Variants in SPEN observed in about 807,000 individuals in gnomAD.
SPEN encodes the protein msx2-interacting protein.
In SPEN, 18 loss-of-function variants were observed where a neutral mutation model predicts 269.9. The ratio of observed to expected loss-of-function variants is 0.07; its 90% CI spans 0.05 to 0.10. The LOEUF is 0.10. Among genes scored for constraint, SPEN ranks in the 10% least tolerant of loss-of-function variants. The pLI, the probability that SPEN is intolerant of heterozygous loss-of-function variation, is 1.00. For missense variants in SPEN, 3,822 were observed against 4,631.2 expected, an observed-to-expected ratio of 0.83 and a Z score of 5.07; for synonymous variants, 1,726 against 1,765.7, an observed-to-expected ratio of 0.98 and a Z score of 0.56.
In SPEN at chr1:15,876,608, G is replaced by C; in HGVS notation, c.811G>C (p.Gly271Arg). ...ATCTAGACCCACAAGGTCCCCTAGC[G>C]GCAGCGGCTCTAGAAGTAGATCCTC... ...QASRPTRSPSGSGSRSRSSSS... is the reference protein window; with the variant it reads ...QASRPTRSPSRSGSRSRSSSS... The change falls in exon 3 of 15, where the codon GGC becomes CGC. Residue 271 changes from glycine to arginine, a missense_variant. Around this residue, in one of 16 missense-constraint regions of SPEN, gnomAD observed 327 missense variants for 350.8 expected, o/e 0.93. Transcript: ENST00000375759. The C allele has an allele frequency of 6.2e-7, 1 of 1,613,976 alleles. No individual in the cohort carries two copies.
intron 3 of SPEN, among the ~76,000 whole-genome samples, chr1:15,877,754 T>G (rs1388462368): frequency 6.9e-6 from 1 of 144,690 alleles, no homozygotes. Context: ...TTTTTTTTTT[T>G]TTTTTTTGAG....
Position 15,934,571 on chromosome 1 carries a change from G to A in SPEN, c.8331G>A (p.Ala2777=), listed in dbSNP as rs760916198. The A allele has an allele frequency of 4.3e-6, 7 of 1,613,982 alleles. No homozygotes were observed. The South Asian group carries it at 5.5e-5, about 13-fold the overall frequency. Residue 2777 remains alanine, a synonymous_variant, in exon 11 of 15, where the codon GCG becomes GCA. Coordinates refer to ENST00000375759, the MANE Select transcript of SPEN (RefSeq NM_015001.3). The surrounding 1 kb of genome is among the most constrained non-coding windows in gnomAD (Gnocchi z 9.2). ...IAPSTKCKQR[A]SANENSRFHP... Reference sequence around the variant, plus strand: ...CGTCAACAAAGTGCAAACAGAGAGCGAGTGCTAATGAAAACAGTCGGTTCC... The same window carrying A: ...CGTCAACAAAGTGCAAACAGAGAGCAAGTGCTAATGAAAACAGTCGGTTCC...
intron 3 of SPEN, among the ~76,000 whole-genome samples, chr1:15,900,354 A>G (rs910159100): frequency 3.3e-5 from 5 of 152,212 alleles, no homozygotes; most frequent in Non-Finnish European, 5.9e-5. Context: ...CCATTTCAAT[A>G]TGAATGGAAT....
intron 3 of SPEN, among the ~76,000 whole-genome samples, chr1:15,889,823 T>A (rs1395330401): frequency 6.6e-6 from 1 of 152,002 alleles, no homozygotes; most frequent in Non-Finnish European, 1.5e-5. Context: ...AAGTGATTCT[T>A]CTGCCTCAGT....
At chr1:15,862,020 T>C (rs2070453727) in intron 1 of SPEN, among the ~76,000 whole-genome samples, 1 of 152,156 alleles carries the variant, frequency 6.6e-6, no homozygotes, top group African/African-American at 2.4e-5. Context: ...CCAGCCTGGG[T>C]GACAGAGTGA....
chr1:15,873,714 T>A, intron 2 of SPEN: 1 of 973,816 alleles, frequency 1.0e-6, no homozygotes, highest in Non-Finnish European at 1.2e-6. Flanking sequence ...AATGCCTGAT[T>A]TTTCCATTTT....
intron 6 of SPEN, 152 bp downstream of exon 6, chr1:15,916,431 T>A (rs1050208478): frequency 1.3e-6 from 1 of 756,638 alleles, no homozygotes; most frequent in South Asian, 2.4e-5. Context: ...ATCCAGAGAA[T>A]CCCATTGGGT....
rs748416581 is a variant in SPEN at position 15,934,764 on chromosome 1, G to A, written c.8524G>A (p.Ala2842Thr). 2 of 1,614,170 alleles carry A rather than the reference G, an allele frequency of 1.2e-6. No individual in the cohort carries two copies. Among genetic ancestry groups the A allele is most frequent in the Non-Finnish European group, 8.5e-7 (1 of 1,180,024 alleles). ...GATCAGCCAGATCCCCCCGGCCAGT[G>A]CAATGGACATTGAATTTCAGCAGTC... ...AKISQIPPAS[A>T]MDIEFQQSVS... The change falls in exon 11 of 15, where the codon GCA becomes ACA. Residue 2842 changes from alanine to threonine, a missense_variant. By Grantham distance (58) the Ala-to-Thr change is moderately conservative. Transcript: ENST00000375759. The surrounding 1 kb of genome is among the most constrained non-coding windows in gnomAD (Gnocchi z 9.2).
chr1:15,903,184 A>G (rs771374054), intron 3 of SPEN, among the ~76,000 whole-genome samples: 1 of 152,170 alleles, frequency 6.6e-6, no homozygotes, highest in Non-Finnish European at 1.5e-5. Flanking sequence ...GGATTAGTTG[A>G]TGGCATGATA....
In SPEN at chr1:15,931,309, C is replaced by A. The variant is rs1394638881; in HGVS notation, c.5069C>A (p.Ala1690Asp). 1 of 1,614,054 alleles carries A rather than the reference C, an allele frequency of 6.2e-7. No homozygotes were observed. Among genetic ancestry groups the A allele is most frequent in the East Asian group, 2.2e-5 (1 of 44,890 alleles). Reference sequence around the variant, plus strand: ...GAAGCAAAGCCTGCATCTGAACCTGCTCCTGCCCCTGTGGAACAGCTGGAA... The same window carrying A: ...GAAGCAAAGCCTGCATCTGAACCTGATCCTGCCCCTGTGGAACAGCTGGAA... ...SEEAKPASEP[A>D]PAPVEQLEQV... The change falls in exon 11 of 15, where the codon GCT (alanine) becomes GAT (aspartate). Residue 1690 changes from alanine to aspartate, a missense_variant. By Grantham distance (126) the Ala-to-Asp change is moderately radical (BLOSUM62 -2). Around this residue, in one of 16 missense-constraint regions of SPEN, gnomAD observed 533 missense variants for 618.8 expected, o/e 0.86. Transcript: ENST00000375759. This position sits in a 1 kb window ranked among gnomAD's most constrained non-coding sequence, Gnocchi z 4.8.
At chr1:15,919,290 C>T (rs578215907) in intron 7 of SPEN, 114 bp from the exon 8 acceptor site, 1 of 751,116 alleles carries the variant, frequency 1.3e-6, no homozygotes, top group Middle Eastern at 3.1e-4. Flanking sequence ...ATGTTTCCCA[C>T]TTGAGATGTT....
chr1:15,908,414 C>T (rs1180261250), intron 3 of SPEN, among the ~76,000 whole-genome samples: 2 of 151,080 alleles, frequency 1.3e-5, no homozygotes, highest in Non-Finnish European at 2.9e-5. Context: ...TAAACTTTTG[C>T]GTTTCTTTAA....
intron 3 of SPEN, among the ~76,000 whole-genome samples, chr1:15,896,815 A>C (rs1028705723): frequency 1.3e-5 from 2 of 152,196 alleles, no homozygotes; most frequent in African/African-American, 4.8e-5. Context: ...AGTAATTTTA[A>C]GTGTTAGCCT....
At chr1:15,850,226 C>A (rs534022070) in intron 1 of SPEN, among the ~76,000 whole-genome samples, 1 of 152,104 alleles carries the variant, frequency 6.6e-6, no homozygotes, top group East Asian at 1.9e-4. Context: ...CCTTGGAAAG[C>A]GGCAGTCTGG....
chr1:15,889,083 A>G, intron 3 of SPEN, among the ~76,000 whole-genome samples: 1 of 151,962 alleles, frequency 6.6e-6, no homozygotes, highest in Non-Finnish European at 1.5e-5. Context: ...ACAAGGAATC[A>G]TGCGTGTCCA....
At chr1:15,911,361 G>A in intron 5 of SPEN, 60 bp downstream of exon 5, 1 of 1,372,048 alleles carries the variant, frequency 7.3e-7, no homozygotes, top group Non-Finnish European at 1.0e-6. Context: ...GTGTTGCAGT[G>A]TATGAGAGGG....
Position 15,937,268 on chromosome 1 carries a change from G to A in SPEN, c.10132G>A (p.Gly3378Ser), listed in dbSNP as rs375688033. ...PCPPSQLGQP[G>S]QPPSSKMPQV... ...CCCGCCCTCCCAGCTCGGTCAGCCCGGCCAGCCACCAAGCAGCAAGATGCC... is the reference window on the plus strand; with the variant it reads ...CCCGCCCTCCCAGCTCGGTCAGCCCAGCCAGCCACCAAGCAGCAAGATGCC... Residue 3378 changes from glycine to serine, a missense_variant, in exon 12 of 15, where the codon GGC becomes AGC. By Grantham distance (56) the Gly-to-Ser change is moderately conservative. Around this residue, in one of 16 missense-constraint regions of SPEN, gnomAD observed 359 missense variants for 377.3 expected, o/e 0.95. Coordinates refer to ENST00000375759, the MANE Select transcript of SPEN (RefSeq NM_015001.3). The surrounding 1 kb of genome is among the most constrained non-coding windows in gnomAD (Gnocchi z 5.7). 9.2e-5 allele frequency: 149 copies of A among 1,613,520 alleles called. No individual in the cohort carries two copies. The Admixed American group carries it at 1.4e-3, about 15-fold the overall frequency.
intron 1 of SPEN, among the ~76,000 whole-genome samples, chr1:15,872,340 C>A (rs1441812719): frequency 2.6e-5 from 4 of 151,550 alleles, no homozygotes; most frequent in African/African-American, 9.7e-5. Flanking sequence ...TGCCTGTAAT[C>A]CCAGCACTTT....
rs775761539 is a variant in SPEN, at chr1:15,922,264, C to T, written c.1765C>T (p.Arg589Trp). 10 of 1,596,024 alleles carry T rather than the reference C, an allele frequency of 6.3e-6. No homozygotes were observed. Among genetic ancestry groups the T allele is most frequent in the Middle Eastern group, 1.7e-4 (1 of 6,048 alleles). ...GNKIKVDFAN[R>W]ESQLAFYHCM... ...TTTTTTAAAGGTGGATTTTGCAAATCGGGAAAGTCAGCTGGCTTTTTATCA... is the reference window on the plus strand; with the variant it reads ...TTTTTTAAAGGTGGATTTTGCAAATTGGGAAAGTCAGCTGGCTTTTTATCA... The change falls in exon 10 of 15, where the codon CGG becomes TGG. Residue 589 changes from arginine to tryptophan, a missense_variant. Physicochemically the swap from Arg to Trp is moderately radical, Grantham distance 101. Around this residue, in one of 16 missense-constraint regions of SPEN, gnomAD observed 230 missense variants for 426.1 expected, o/e 0.54. Transcript: ENST00000375759.
Sources: allele counts gnomAD v4.1 joint callset (sites outside exome capture counted in the v4.1 genomes callset), GRCh38; gene constraint gnomAD v4.1.1; regional missense constraint gnomAD v4.1.1; non-coding constraint Gnocchi (gnomAD v3.1); transcripts MANE v1.5; gene names NCBI Gene and HGNC (gene_info 2026-07-23, HGNC 2026-07-21).